VCF1: variants seen among roughly 807,000 people sequenced by gnomAD.
VCF1 encodes protein VCF1.
At chr17:73,213,913 T>C in the VCF1 span, among the ~76,000 whole-genome samples, 3 of 152,112 alleles carry the variant, frequency 2.0e-5, no homozygotes, top group Non-Finnish European at 4.4e-5. Context: ...GAGGTTGTAC[T>C]GAGCCGAGAT....
At chr17:73,218,105 T>C in the VCF1 span, among the ~76,000 whole-genome samples, 27 of 152,248 alleles carry the variant, frequency 1.8e-4, no homozygotes, top group Non-Finnish European at 3.4e-4. Flanking sequence ...CCATAGTATA[T>C]ACTCCATCTC....
At chr17:73,224,866 A>C in the VCF1 span, among the ~76,000 whole-genome samples, 5 of 148,968 alleles carry the variant, frequency 3.4e-5, no homozygotes, top group Non-Finnish European at 7.4e-5. Flanking sequence ...ACAGGACAGC[A>C]CAGGACAGGA....
the VCF1 span, chr17:73,208,206 G>A: frequency 1.1e-5 from 17 of 1,591,424 alleles, no homozygotes. Context: ...GTGCTTCTCA[G>A]CTCCGCTTGT....
At chr17:73,212,634 T>A in the VCF1 span, 1 of 1,517,922 alleles carries the variant, frequency 6.6e-7, no homozygotes, top group Non-Finnish European at 9.0e-7. Flanking sequence ...TTGCGAATCA[T>A]GAATATTTAA....
the VCF1 span, among the ~76,000 whole-genome samples, chr17:73,217,409 T>C: frequency 2.7e-5 from 4 of 148,984 alleles, no homozygotes; most frequent in Non-Finnish European, 4.4e-5. Context: ...TCCCAGGACT[T>C]TGGAGGCCCA....
chr17:73,228,808 C>G, the VCF1 span, among the ~76,000 whole-genome samples: 1 of 152,186 alleles, frequency 6.6e-6, no homozygotes, highest in East Asian at 1.9e-4. Flanking sequence ...TGGGAGTGTT[C>G]TGCAGAGGCA....
the VCF1 span, among the ~76,000 whole-genome samples, chr17:73,216,037 A>G: frequency 1.3e-5 from 2 of 152,190 alleles, no homozygotes; most frequent in South Asian, 4.1e-4. Context: ...AAGAGCCATG[A>G]GGGCTGCAGG....
At chr17:73,227,612 C>T in the VCF1 span, 1 of 990,182 alleles carries the variant, frequency 1.0e-6, no homozygotes, top group Non-Finnish European at 1.2e-6. Flanking sequence ...TTTTACACTC[C>T]CTGAAATTAG....
chr17:73,223,553 T>C, the VCF1 span, among the ~76,000 whole-genome samples: 1 of 152,170 alleles, frequency 6.6e-6, no homozygotes, highest in African/African-American at 2.4e-5. Context: ...ACACCTCACA[T>C]ATTTCCTAGT....
At chr17:73,216,197 C>T in the VCF1 span, among the ~76,000 whole-genome samples, 1 of 152,014 alleles carries the variant, frequency 6.6e-6, no homozygotes, top group Admixed American at 6.6e-5. Context: ...AAGGCAGGCC[C>T]AGGAGGACTG....
chr17:73,221,174 G>C, the VCF1 span, among the ~76,000 whole-genome samples: 6 of 100,872 alleles, frequency 5.9e-5, no homozygotes, highest in Middle Eastern at 9.2e-3. Context: ...TGGGATTGCA[G>C]GCATGAGCCA....
the VCF1 span, chr17:73,208,021 T>C: frequency 3.0e-6 from 4 of 1,323,122 alleles, no homozygotes; most frequent in African/African-American, 4.5e-5. Flanking sequence ...TCCACTGCAG[T>C]GATCTTTCAG....
chr17:73,211,236 G>A, the VCF1 span, among the ~76,000 whole-genome samples: 1 of 151,158 alleles, frequency 6.6e-6, no homozygotes, highest in Admixed American at 6.6e-5. Context: ...CAGGTGGACT[G>A]CTTGAGTGCA....
the VCF1 span, chr17:73,209,621 C>T: frequency 9.8e-5 from 153 of 1,567,790 alleles, no homozygotes; most frequent in African/African-American, 7.7e-4. Flanking sequence ...TGGCACAGCG[C>T]GGACTGCTCG....
chr17:73,227,913 T>C, the VCF1 span, among the ~76,000 whole-genome samples: 1 of 152,246 alleles, frequency 6.6e-6, no homozygotes, highest in Non-Finnish European at 1.5e-5. Context: ...GCATGTACTC[T>C]ATTTAAGAAT....
At chr17:73,214,927 G>A in the VCF1 span, among the ~76,000 whole-genome samples, 20 of 152,294 alleles carry the variant, frequency 1.3e-4, no homozygotes, top group African/African-American at 4.8e-4. Context: ...CCAAATCAAC[G>A]GTTACAAAGC....
At chr17:73,211,978 CCAAGATTG>C in the VCF1 span, among the ~76,000 whole-genome samples, 1 of 152,124 alleles carries the variant, frequency 6.6e-6, no homozygotes, top group African/African-American at 2.4e-5. Context: ...TGGCAGTGAG[CCAAGATTG>C]CACCACCGCA....
At chr17:73,224,919 G>GCACA in the VCF1 span, among the ~76,000 whole-genome samples, 273 of 146,408 alleles carry the variant, frequency 1.9e-3, 9 homozygotes, top group African/African-American at 6.5e-3. Context: ...GGACAGGACA[G>GCACA]GACAGGACAG....
At chr17:73,229,089 T>C in the VCF1 span, 1 of 960,714 alleles carries the variant, frequency 1.0e-6, no homozygotes, top group Non-Finnish European at 1.2e-6. Flanking sequence ...GATGAGATGA[T>C]TTTGTGGATT....
Sources: allele counts gnomAD v4.1 joint callset (sites outside exome capture counted in the v4.1 genomes callset), GRCh38; gene constraint gnomAD v4.1.1; transcripts MANE v1.5; gene names NCBI Gene and HGNC (gene_info 2026-07-23, HGNC 2026-07-21).